Variants in MRPS15 observed in about 807,000 individuals in gnomAD.
The protein encoded by MRPS15 is small ribosomal subunit protein uS15m.
A neutral mutation model predicts 30.7 loss-of-function variants in MRPS15; 25 were observed. That is an observed-to-expected ratio of 0.81 (90% CI 0.59 to 1.14). The LOEUF (loss-of-function observed/expected upper bound fraction) is 1.14, where lower values mean the gene tolerates loss of function less well. Ranked by LOEUF, MRPS15 falls within the 50% of genes most tolerant of loss-of-function variation. The pLI is 0.00. For missense variants in MRPS15, 313 were observed against 321.7 expected, an observed-to-expected ratio of 0.97 and a Z score of 0.21; for synonymous variants, 124 against 120.1, an observed-to-expected ratio of 1.03 and a Z score of -0.21.
At position 36,458,250 on chromosome 1, in the gene MRPS15, A is replaced by C; in HGVS notation, c.386-269T>G. 1 of 376,114 alleles carries C rather than the reference A, an allele frequency of 2.7e-6. No individual in the cohort carries two copies. The allele number at this position is 376,114 out of a possible 1,614,324, so 23.3% of individuals were successfully genotyped here. A position where few individuals can be genotyped will look rare whatever the true frequency, so the allele number is the denominator to read the frequency against. On this transcript the variant is annotated intron_variant, in intron 5 of 7. Transcript: ENST00000373116. The surrounding 1 kb of genome is among the most constrained non-coding windows in gnomAD (Gnocchi z 4.5). Reference sequence around the variant, plus strand: ...AGCAAATAGCATTCTTTTTTTTGAGACGGAGTCTCGCTCTGTTGCCCAGGC... The same window carrying C: ...AGCAAATAGCATTCTTTTTTTTGAGCCGGAGTCTCGCTCTGTTGCCCAGGC...
In MRPS15 at chr1:36,463,788, C is replaced by A. The variant is rs369289048; in HGVS notation, c.175+18G>T. 18 of 1,609,260 alleles carry A rather than the reference C, an allele frequency of 1.1e-5. No individual in the cohort carries two copies. Among genetic ancestry groups the A allele is most frequent in the Non-Finnish European group, 1.5e-5 (18 of 1,177,582 alleles). ...GAGGTCTCTCTTCCGCCCCAAGTCCCACCTTAGGAACTCCTACCTGGTTTC... is the reference window on the plus strand; with the variant it reads ...GAGGTCTCTCTTCCGCCCCAAGTCCAACCTTAGGAACTCCTACCTGGTTTC... On this transcript the variant is annotated intron_variant, in intron 2 of 7. Transcript: ENST00000373116.
chr1:36,464,013 C>G, intron 1 of MRPS15, 133 bp downstream of exon 1: 1 of 1,510,006 alleles, frequency 6.6e-7, no homozygotes, highest in Non-Finnish European at 9.0e-7. Context: ...CTTGTTTCAC[C>G]TCTTGCGCAA....
intron 6 of MRPS15, 103 bp from the exon 7 acceptor site, chr1:36,456,481 C>A: frequency 9.0e-7 from 1 of 1,112,206 alleles, no homozygotes; most frequent in Non-Finnish European, 1.2e-6. Context: ...TCTCAGTAAT[C>A]TTATGCAAAT....
At position 36,457,918 on chromosome 1, in the gene MRPS15, T is replaced by C; in HGVS notation, c.444+5A>G. 2 of 1,614,024 alleles carry C rather than the reference T, an allele frequency of 1.2e-6. No homozygotes were observed. The highest frequency in any genetic ancestry group is 3.3e-5 in the Admixed American group (2 of 60,022). On this transcript the variant is annotated splice_donor_5th_base_variant and intron_variant, in intron 6 of 7. Transcript: ENST00000373116. ...GTTTAACTGTGAATGACGTCCAGAG[T>C]TTACCTTTCGATGTTTCTCCAAGTG... is the stretch of plus-strand genomic sequence containing the variant.
At position 36,462,119 on chromosome 1, in the gene MRPS15, T is replaced by G. The variant is rs1475289739; in HGVS notation, c.220A>C (p.Lys74Gln). The change falls in exon 3 of 8, where the codon AAA (lysine) becomes CAA (glutamine). Residue 74 changes from lysine to glutamine, a missense_variant. By Grantham distance (53) the Lys-to-Gln change is moderately conservative. Coordinates refer to ENST00000373116, the MANE Select transcript of MRPS15 (RefSeq NM_031280.4). Reference sequence around the variant, plus strand: ...ATTCCAGGGACATTCTGGTAGTCTTTGAGCAGCGTAGAGGGAGGTGGGTCA... The same window carrying G: ...ATTCCAGGGACATTCTGGTAGTCTTGGAGCAGCGTAGAGGGAGGTGGGTCA... ...DDDPPPSTLL[K>Q]DYQNVPGIEK... is the part of the protein sequence containing the mutation. 20 of 1,613,452 alleles carry G rather than the reference T, an allele frequency of 1.2e-5. 1 individual carries two copies. In the South Asian group the frequency reaches 2.2e-4, roughly 18 times the overall value.
At chr1:36,464,014 T>A in intron 1 of MRPS15, 132 bp downstream of exon 1, 1 of 1,498,050 alleles carries the variant, frequency 6.7e-7, no homozygotes. Context: ...TTGTTTCACC[T>A]CTTGCGCAAC....
intron 4 of MRPS15, 81 bp downstream of exon 4, chr1:36,461,183 G>T: frequency 7.7e-7 from 1 of 1,298,820 alleles, no homozygotes; most frequent in Non-Finnish European, 1.1e-6. Flanking sequence ...AGAAGCATGA[G>T]ATGCGGGGTG....
chr1:36,460,922 G>GACCA (rs1650086572), intron 4 of MRPS15, 146 bp from the exon 5 acceptor site: 2 of 687,314 alleles, frequency 2.9e-6, no homozygotes, highest in East Asian at 5.4e-5. Context: ...CTGTGGCCTT[G>GACCA]ACCAACCACA....
chr1:36,464,000 C>G, intron 1 of MRPS15, 146 bp downstream of exon 1: 1 of 1,503,414 alleles, frequency 6.7e-7, no homozygotes, highest in African/African-American at 1.4e-5. Context: ...TTGTCTCTCA[C>G]ATCTTGTTTC....
Position 36,456,250 on chromosome 1 carries a change from GA to G in MRPS15, c.572del (p.Phe191SerfsTer14). On this transcript the variant is annotated frameshift_variant, in exon 7 of 8. Coordinates refer to ENST00000373116, the MANE Select transcript of MRPS15 (RefSeq NM_031280.4). LOFTEE classifies it high-confidence loss of function. Reference sequence around the variant, plus strand: ...GGGCTCTTCGGTAATACAGAGGGGGGAAGGTGTACTCAATTCCCAGCCCCCA... The same window carrying G: ...GGGCTCTTCGGTAATACAGAGGGGGGAGGTGTACTCAATTCCCAGCCCCCA... The part of the protein sequence containing the change: ...ICWGLGIEYT[F>X]PPLYYRRAHR... 1 of 1,614,112 alleles carries G rather than the reference GA, an allele frequency of 6.2e-7. No homozygotes were observed. The highest frequency in any genetic ancestry group is 8.5e-7 in the Non-Finnish European group (1 of 1,180,032).
At chr1:36,456,506 G>C (rs1344186975) in intron 6 of MRPS15, 128 bp from the exon 7 acceptor site, 1 of 869,054 alleles carries the variant, frequency 1.2e-6, no homozygotes, top group Non-Finnish European at 1.7e-6. Context: ...ATGCAATTCT[G>C]AAGGAGGTAT....
intron 1 of MRPS15, 41 bp downstream of exon 1, chr1:36,464,105 C>G: frequency 6.7e-7 from 1 of 1,484,606 alleles, no homozygotes. Flanking sequence ...TCGCCGAACC[C>G]TGTTTCCCTA....
rs1388489864 is a variant in MRPS15 at position 36,461,308 on chromosome 1, C to T, written c.256G>A (p.Asp86Asn). Reference protein sequence around the residue: ...YQNVPGIEKVDDVVKRLLSLE... With the variant: ...YQNVPGIEKVNDVVKRLLSLE... The stretch of plus-strand genomic sequence containing the variant: ...GACAAGAGTCTTTTCACGACATCAT[C>T]AACCCTGTGGATAAACCACAGCAAT... Residue 86 changes from aspartate (D) to asparagine (N), a missense_variant, in exon 4 of 8, where the codon GAT becomes AAT. Transcript: ENST00000373116. 1 of 1,614,058 alleles carries T rather than the reference C, an allele frequency of 6.2e-7. No individual in the cohort carries two copies. Among genetic ancestry groups the T allele is most frequent in the African/African-American group, 1.3e-5 (1 of 74,932 alleles).
At chr1:36,461,971 C>G in intron 3 of MRPS15, 117 bp downstream of exon 3, 1 of 862,318 alleles carries the variant, frequency 1.2e-6, no homozygotes, top group Admixed American at 2.3e-5. Context: ...GCCCCTGCCT[C>G]CTTCTAGATC....
rs199816917 is a variant in MRPS15, at chr1:36,456,323, A to G, written c.500T>C (p.Leu167Pro). 3 of 1,614,098 alleles carry G rather than the reference A, an allele frequency of 1.9e-6. No homozygotes were observed. The highest frequency in any genetic ancestry group is 1.1e-5 in the South Asian group (1 of 91,082). ...LMSIDQRKKM[L>P]KNLRNTNYDV... ...ATAGTTGGTGTTACGGAGGTTTTTG[A>G]GCATCTTTTTCCTCTGGTCAATGCT... Residue 167 changes from leucine to proline, a missense_variant, in exon 7 of 8, where the codon CTC (leucine) becomes CCC (proline). By Grantham distance (98) the Leu-to-Pro change is moderately conservative. Transcript: ENST00000373116.
Position 36,456,309 on chromosome 1 carries a change from T to TA in MRPS15, c.513dup (p.Asn172Ter). 2 of 1,614,216 alleles carry TA rather than the reference T, an allele frequency of 1.2e-6. No homozygotes were observed. The highest frequency in any genetic ancestry group is 1.7e-6 in the Non-Finnish European group (2 of 1,180,034). On this transcript the variant is annotated frameshift_variant, in exon 7 of 8. Transcript: ENST00000373116. LOFTEE classifies it high-confidence loss of function. Reference sequence around the variant, plus strand: ...TTCTCAAAGACATCATAGTTGGTGTTACGGAGGTTTTTGAGCATCTTTTTC... The same window carrying TA: ...TTCTCAAAGACATCATAGTTGGTGTTAACGGAGGTTTTTGAGCATCTTTTTC...
intron 6 of MRPS15, 85 bp from the exon 7 acceptor site, chr1:36,456,463 C>A: frequency 7.9e-7 from 1 of 1,267,400 alleles, no homozygotes; most frequent in East Asian, 2.6e-5. Flanking sequence ...TATCATTTCA[C>A]TGAAATTTCT....
At chr1:36,462,043 C>A in intron 3 of MRPS15, 45 bp downstream of exon 3, 1 of 1,538,714 alleles carries the variant, frequency 6.5e-7, no homozygotes, top group South Asian at 1.1e-5. Context: ...CCCGACAATC[C>A]TCCCAGGGCC....
Position 36,463,759 on chromosome 1 carries a change from C to T in MRPS15, c.175+47G>A, listed in dbSNP as rs1416421239. The T allele has an allele frequency of 2.5e-6, 4 of 1,588,682 alleles. No homozygotes were observed. The South Asian group carries it at 4.6e-5, about 18-fold the overall frequency. The stretch of plus-strand genomic sequence containing the variant: ...CGGTCCCCTTACCCACCCCAGCCTT[C>T]CAGGAGGTCTCTCTTCCGCCCCAAG... On this transcript the variant is annotated intron_variant, in intron 2 of 7. Coordinates refer to ENST00000373116, the MANE Select transcript of MRPS15 (RefSeq NM_031280.4).
Sources: allele counts gnomAD v4.1 joint callset, GRCh38; gene constraint gnomAD v4.1.1; non-coding constraint Gnocchi (gnomAD v3.1); transcripts MANE v1.5; gene names NCBI Gene and HGNC (gene_info 2026-07-23, HGNC 2026-07-21).